Variants in IKZF5 observed in about 807,000 individuals in gnomAD.
IKZF5 encodes the protein IKAROS family zinc finger 5.
Under a neutral mutation model 30.7 loss-of-function variants are expected in IKZF5, and 4 were observed. The observed-to-expected ratio is 0.13, with a 90% CI of 0.06 to 0.30. IKZF5 has a LOEUF of 0.30. Among genes scored for constraint, IKZF5 ranks in the 10% least tolerant of loss-of-function variants. The pLI, the probability that IKZF5 is intolerant of heterozygous loss-of-function variation, is 1.00. For missense variants in IKZF5, 348 were observed against 525.5 expected, an observed-to-expected ratio of 0.66 and a Z score of 3.30; for synonymous variants, 148 against 179.6, an observed-to-expected ratio of 0.82 and a Z score of 1.41.
In IKZF5 at chr10:122,994,543, A is replaced by G. The variant is rs1411248082; in HGVS notation, c.497T>C (p.Ile166Thr). Residue 166 changes from isoleucine (I) to threonine (T), a missense_variant, in exon 5 of 5, where the codon ATT (isoleucine) becomes ACT (threonine). Coordinates refer to ENST00000368886, the MANE Select transcript of IKZF5 (RefSeq NM_001372123.1). This position sits in a 1 kb window ranked among gnomAD's most constrained non-coding sequence, Gnocchi z 5.6. ...HRRRKHKMVP[I>T]KGTRSSLSSK... ...GCTTAAGGAAGACCTAGTACCTTTA[A>G]TTGGTACCATTTTATGCTTGCGCCT... is the stretch of plus-strand genomic sequence containing the variant. 1.6e-5 allele frequency: 26 copies of G among 1,614,084 alleles called. No homozygotes were observed. The highest frequency in any genetic ancestry group is 2.1e-5 in the Non-Finnish European group (25 of 1,180,042).
At chr10:122,995,240 C>T (rs1246223480) in intron 4 of IKZF5, among the ~76,000 whole-genome samples, 1 of 152,178 alleles carries the variant, frequency 6.6e-6, no homozygotes. Flanking sequence ...CAAAGCATCC[C>T]TTCAAAATTG....
chr10:122,998,530 T>C lies in IKZF5; in HGVS notation c.96A>G (p.Ser32=), dbSNP rs757971262. The part of the protein sequence containing the change: ...QTHHVNMISG[S]VSGDKEAEAL... ...CCTCTGCTTCTTTGTCCCCACTAACTGATCCAGAAATCATGTTCACGTGAT... is the reference window on the plus strand; with the variant it reads ...CCTCTGCTTCTTTGTCCCCACTAACCGATCCAGAAATCATGTTCACGTGAT... Residue 32 remains serine, a synonymous_variant, in exon 3 of 5, where the codon TCA becomes TCG. Coordinates refer to ENST00000368886, the MANE Select transcript of IKZF5 (RefSeq NM_001372123.1). The C allele has an allele frequency of 6.2e-7, 1 of 1,613,584 alleles. No individual in the cohort carries two copies. Among genetic ancestry groups the C allele is most frequent in the Admixed American group, 1.7e-5 (1 of 59,982 alleles).
chr10:123,001,668 C>T (rs1849591426), intron 2 of IKZF5, among the ~76,000 whole-genome samples: 1 of 152,166 alleles, frequency 6.6e-6, no homozygotes, highest in South Asian at 2.1e-4. Flanking sequence ...CTTCTGGATT[C>T]TCTGTTCTGT....
rs749685530 is a variant in IKZF5 at position 122,993,796 on chromosome 10, T to C, written c.1244A>G (p.Gln415Arg). The part of the protein sequence containing the change: ...YDFACHFARG[Q>R]HNQH ...TATTTTCAATCAATGTTGGTTATGT[T>C]GCCCTCTTGCAAAATGACAGGCAAA... The change falls in exon 5 of 5, where the codon CAA becomes CGA. Residue 415 changes from glutamine to arginine, a missense_variant. Transcript: ENST00000368886. The C allele has an allele frequency of 6.2e-7, 1 of 1,600,124 alleles. No individual in the cohort carries two copies. Among genetic ancestry groups the C allele is most frequent in the South Asian group, 1.1e-5 (1 of 89,870 alleles).
At chr10:123,000,164 C>G (rs1191812152) in intron 2 of IKZF5, among the ~76,000 whole-genome samples, 1 of 152,174 alleles carries the variant, frequency 6.6e-6, no homozygotes, top group African/African-American at 2.4e-5. Context: ...AAAATCAGCA[C>G]CACAATCAAG....
intron 2 of IKZF5, among the ~76,000 whole-genome samples, chr10:123,002,786 T>TAAAA (rs371495279): frequency 8.5e-6 from 1 of 117,080 alleles, no homozygotes; most frequent in Non-Finnish European, 1.8e-5. Flanking sequence ...AGACTCCGTC[T>TAAAA]AAAAAAAAAA....
intron 2 of IKZF5, among the ~76,000 whole-genome samples, chr10:123,000,461 C>T (rs1197452904): frequency 6.6e-6 from 1 of 152,162 alleles, no homozygotes; most frequent in Non-Finnish European, 1.5e-5. Context: ...TCATTTATCT[C>T]TTATACTGTT....
At chr10:123,003,887 C>T (rs1849693244) in intron 2 of IKZF5, among the ~76,000 whole-genome samples, 1 of 152,182 alleles carries the variant, frequency 6.6e-6, no homozygotes, top group African/African-American at 2.4e-5. Flanking sequence ...ACTTATAGGC[C>T]ACCTCTTTAA....
chr10:122,998,222 G>A (rs1027560555), intron 3 of IKZF5: 1 of 284,400 alleles, frequency 3.5e-6, no homozygotes, highest in African/African-American at 2.2e-5. Context: ...GGTTCTTTGT[G>A]TCTAATGGTA....
chr10:122,996,217 ATCAAC>A, intron 3 of IKZF5, 41 bp from the exon 4 acceptor site: 1 of 1,535,220 alleles, frequency 6.5e-7, no homozygotes, highest in Non-Finnish European at 8.9e-7. Flanking sequence ...GCATCTCAGA[ATCAAC>A]TCAATTTAGC....
intron 3 of IKZF5, chr10:122,998,268 A>T (rs1849456279): frequency 2.6e-6 from 1 of 378,322 alleles, no homozygotes; most frequent in Non-Finnish European, 4.7e-6. Context: ...GGGTATTTGG[A>T]GCCCCTAACC....
chr10:123,001,725 A>G (rs1849593511), intron 2 of IKZF5, among the ~76,000 whole-genome samples: 1 of 152,166 alleles, frequency 6.6e-6, no homozygotes, highest in South Asian at 2.1e-4. Flanking sequence ...ACTCTTAATA[A>G]TAAGTCTTGC....
chr10:122,992,983 A>G lies in IKZF5; in HGVS notation c.*797T>C, dbSNP rs1332351385. On this transcript the variant is annotated 3_prime_UTR_variant, in exon 5 of 5. Transcript: ENST00000368886. ...ATCAAAGGAATAGGAAGAATAAGAG[A>G]TTCTCATTATAGTTATCCACCTCAC... 6.6e-6 allele frequency: 1 copy of G among 152,612 alleles called. No individual in the cohort carries two copies. The highest frequency in any genetic ancestry group is 1.9e-4 in the East Asian group (1 of 5,194). The allele number at this position is 152,612 out of a possible 1,614,324, so 9.5% of individuals were successfully genotyped here.
intron 2 of IKZF5, among the ~76,000 whole-genome samples, chr10:123,006,017 T>C (rs1849766566): frequency 6.6e-6 from 1 of 152,178 alleles, no homozygotes; most frequent in South Asian, 2.1e-4. Flanking sequence ...TAAAGTTAAG[T>C]TGAATATAGT....
Position 122,993,772 on chromosome 10 carries a change from A to G in IKZF5, c.*8T>C, listed in dbSNP as rs780811487. On this transcript the variant is annotated 3_prime_UTR_variant, in exon 5 of 5. Coordinates refer to ENST00000368886, the MANE Select transcript of IKZF5 (RefSeq NM_001372123.1). ...CAGCAAAACTAAGTAAAATATGACTATTTTCAATCAATGTTGGTTATGTTG... is the reference window on the plus strand; with the variant it reads ...CAGCAAAACTAAGTAAAATATGACTGTTTTCAATCAATGTTGGTTATGTTG... 1.0e-5 allele frequency: 16 copies of G among 1,557,460 alleles called. No homozygotes were observed. Among genetic ancestry groups the G allele is most frequent in the Non-Finnish European group, 1.1e-5 (13 of 1,148,756 alleles).
chr10:122,995,874 G>A (rs1849350013), intron 4 of IKZF5, 120 bp downstream of exon 4: 2 of 919,950 alleles, frequency 2.2e-6, no homozygotes, highest in South Asian at 1.7e-5. Context: ...CCATTTATTC[G>A]AACTTTACAT....
Position 122,998,650 on chromosome 10 carries a change from T to C in IKZF5, c.-25A>G. ...TCTTTGCTTTTTTAACATTTACAGTTTGTTAGACCTAGAAAACAAAACTGA... is the reference window on the plus strand; with the variant it reads ...TCTTTGCTTTTTTAACATTTACAGTCTGTTAGACCTAGAAAACAAAACTGA... On this transcript the variant is annotated 5_prime_UTR_variant, in exon 3 of 5. Transcript: ENST00000368886. The C allele has an allele frequency of 2.5e-6, 4 of 1,606,350 alleles. No individual in the cohort carries two copies. Among genetic ancestry groups the C allele is most frequent in the Non-Finnish European group, 3.4e-6 (4 of 1,176,440 alleles).
At position 122,994,223 on chromosome 10, in the gene IKZF5, C is replaced by T. The variant is rs372978607; in HGVS notation, c.817G>A (p.Ala273Thr). The T allele has an allele frequency of 6.2e-7, 1 of 1,614,000 alleles. No individual in the cohort carries two copies. Among genetic ancestry groups the T allele is most frequent in the Non-Finnish European group, 8.5e-7 (1 of 1,180,016 alleles). Reference sequence around the variant, plus strand: ...GGGCAGGGAACTACATCAGGGGATGCAGGGTTTTGGTTTTCGGGTGGCAGA... The same window carrying T: ...GGGCAGGGAACTACATCAGGGGATGTAGGGTTTTGGTTTTCGGGTGGCAGA... ...SSLPPENQNPASPDVVPCPDE... is the reference protein window; with the variant it reads ...SSLPPENQNPTSPDVVPCPDE... The change falls in exon 5 of 5, where the codon GCA becomes ACA. Residue 273 changes from alanine (A) to threonine (T), a missense_variant. Around this residue, in one of 4 missense-constraint regions of IKZF5, gnomAD observed 176 missense variants for 198.2 expected, o/e 0.89. Coordinates refer to ENST00000368886, the MANE Select transcript of IKZF5 (RefSeq NM_001372123.1). The surrounding 1 kb of genome is among the most constrained non-coding windows in gnomAD (Gnocchi z 5.6).
At chr10:123,000,703 A>G (rs535044307) in intron 2 of IKZF5, among the ~76,000 whole-genome samples, 18 of 152,314 alleles carry the variant, frequency 1.2e-4, no homozygotes, top group African/African-American at 4.3e-4. Context: ...GCTGCTCCAC[A>G]TCCTTGACAA....
Sources: allele counts gnomAD v4.1 joint callset (sites outside exome capture counted in the v4.1 genomes callset), GRCh38; gene constraint gnomAD v4.1.1; regional missense constraint gnomAD v4.1.1; non-coding constraint Gnocchi (gnomAD v3.1); transcripts MANE v1.5; gene names NCBI Gene and HGNC (gene_info 2026-07-23, HGNC 2026-07-21).